SHROOM2: variants seen among roughly 807,000 people sequenced by gnomAD.
The protein encoded by SHROOM2 is protein Shroom2.
A neutral mutation model predicts 75.9 loss-of-function variants in SHROOM2; 33 were observed. That is an observed-to-expected ratio of 0.43 (90% CI 0.33 to 0.58). The LOEUF (loss-of-function observed/expected upper bound fraction) is 0.58. Among genes scored for constraint, SHROOM2 ranks in the 20% least tolerant of loss-of-function variants. SHROOM2 has a pLI of 0.04. For synonymous variants in SHROOM2, 655 were observed against 663.6 expected, an observed-to-expected ratio of 0.99 and a Z score of 0.20; for missense variants, 1,434 against 1,461.2, an observed-to-expected ratio of 0.98 and a Z score of 0.30.
intron 4 of SHROOM2, among the ~76,000 whole-genome samples, 175 bp downstream of exon 4, chrX:9,896,873 A>G (rs922823802): frequency 6.2e-5 from 7 of 112,792 alleles, no homozygotes; most frequent in African/African-American, 2.3e-4. Flanking sequence ...GACACCTTCA[A>G]GGCAATTTAA....
chrX:9,888,723 T>C, intron 2 of SHROOM2, among the ~76,000 whole-genome samples: 1 of 111,941 alleles, frequency 8.9e-6, no homozygotes, highest in Non-Finnish European at 1.9e-5. Flanking sequence ...GGATTACAGG[T>C]GTGAGCCACA....
chrX:9,829,962 A>ATT (rs1358201800), intron 1 of SHROOM2, among the ~76,000 whole-genome samples: 1 of 110,550 alleles, frequency 9.0e-6, no homozygotes, highest in Non-Finnish European at 1.9e-5. Flanking sequence ...TTTTATTTTT[A>ATT]TTTTTTAAGA....
At chrX:9,808,431 C>T (rs924298964) in intron 1 of SHROOM2, among the ~76,000 whole-genome samples, 21 of 108,947 alleles carry the variant, frequency 1.9e-4, no homozygotes, top group Admixed American at 8.0e-4. Context: ...CCTATAGTCC[C>T]ACCTACTTGG....
At chrX:9,856,627 G>A (rs1269180895) in intron 1 of SHROOM2, among the ~76,000 whole-genome samples, 2 of 111,519 alleles carry the variant, frequency 1.8e-5, no homozygotes, top group African/African-American at 6.5e-5. Flanking sequence ...CCTCACTGGG[G>A]ATCCTGGACT....
At chrX:9,847,813 T>C (rs1015159955) in intron 1 of SHROOM2, among the ~76,000 whole-genome samples, 2 of 112,338 alleles carry the variant, frequency 1.8e-5, no homozygotes, top group African/African-American at 6.5e-5. Context: ...TCTTGGACAC[T>C]TACAGTGTTG....
At chrX:9,836,825 T>A (rs758228229) in intron 1 of SHROOM2, among the ~76,000 whole-genome samples, 1 of 111,421 alleles carries the variant, frequency 9.0e-6, no homozygotes, top group Non-Finnish European at 1.9e-5. Flanking sequence ...CAATTTTAGA[T>A]CCTTTCCATC....
intron 1 of SHROOM2, among the ~76,000 whole-genome samples, chrX:9,846,382 C>T (rs2084006801): frequency 8.9e-6 from 1 of 112,027 alleles, no homozygotes; most frequent in Non-Finnish European, 1.9e-5. Context: ...GCAACCTCCG[C>T]CTCCCGGGTT....
chrX:9,810,860 C>T (rs1039023492), intron 1 of SHROOM2, among the ~76,000 whole-genome samples: 1 of 111,303 alleles, frequency 9.0e-6, no homozygotes, highest in African/African-American at 3.3e-5. Flanking sequence ...GCCATTCCAC[C>T]GTTCTATTAA....
intron 1 of SHROOM2, among the ~76,000 whole-genome samples, chrX:9,790,559 T>C (rs948389325): frequency 1.8e-4 from 20 of 111,391 alleles, no homozygotes; most frequent in African/African-American, 6.5e-4. Context: ...AACCAGTGGG[T>C]GAGGGCTTGG....
chrX:9,881,424 C>G, intron 2 of SHROOM2, among the ~76,000 whole-genome samples: 1 of 110,713 alleles, frequency 9.0e-6, no homozygotes, highest in Non-Finnish European at 1.9e-5. Context: ...GAAAAGGATG[C>G]CTGCCACCCT....
At chrX:9,884,073 C>A (rs1157391391) in intron 2 of SHROOM2, among the ~76,000 whole-genome samples, 1 of 111,876 alleles carries the variant, frequency 8.9e-6, no homozygotes, top group Non-Finnish European at 1.9e-5. Flanking sequence ...TTCCTCAGCT[C>A]CCAGTGTAGG....
chrX:9,949,433 C>T lies in SHROOM2; in HGVS notation c.*2496C>T, dbSNP rs940208677. 7 of 329,042 alleles carry T rather than the reference C, an allele frequency of 2.1e-5. No individual in the cohort carries two copies. Among genetic ancestry groups the T allele is most frequent in the African/African-American group, 5.3e-5 (2 of 37,555 alleles). 27.1% of individuals were successfully genotyped at this position (329,042 alleles called of 1,213,427 possible). ...GACTGTAACAAAATAAATAGTGTCTCTTCAAGTGAATGGAGATGTCTTTGA... is the reference window on the plus strand; with the variant it reads ...GACTGTAACAAAATAAATAGTGTCTTTTCAAGTGAATGGAGATGTCTTTGA... On this transcript the variant is annotated 3_prime_UTR_variant, in exon 10 of 10. Coordinates refer to ENST00000380913, the MANE Select transcript of SHROOM2 (RefSeq NM_001649.4).
intron 5 of SHROOM2, among the ~76,000 whole-genome samples, chrX:9,905,413 G>C (rs906986019): frequency 8.9e-6 from 1 of 112,899 alleles, no homozygotes; most frequent in African/African-American, 3.2e-5. Context: ...AGAGGAGGCC[G>C]CCAGAGCTAG....
At chrX:9,944,526 C>CAGGTCAGCTGCACCTTTCACGT in intron 8 of SHROOM2, 115 bp from the exon 9 acceptor site, 1 of 744,392 alleles carries the variant, frequency 1.3e-6, no homozygotes, top group African/African-American at 2.1e-5. Flanking sequence ...AGCTTTCACG[C>CAGGTCAGCTGCACCTTTCACGT]AGGTCAGCTG....
intron 5 of SHROOM2, among the ~76,000 whole-genome samples, chrX:9,916,088 C>G (rs1485421835): frequency 5.4e-5 from 6 of 112,102 alleles, no homozygotes; most frequent in Non-Finnish European, 1.9e-5. Flanking sequence ...TTTTTATTAA[C>G]ATTTCCTATT....
chrX:9,795,431 G>T (rs1241891702), intron 1 of SHROOM2, among the ~76,000 whole-genome samples: 2 of 112,082 alleles, frequency 1.8e-5, no homozygotes, highest in Admixed American at 1.9e-4. Flanking sequence ...TTTCTCAAAT[G>T]TTCCTTTTTC....
At chrX:9,839,952 G>T (rs1172656616) in intron 1 of SHROOM2, among the ~76,000 whole-genome samples, 3 of 111,553 alleles carry the variant, frequency 2.7e-5, no homozygotes, top group Non-Finnish European at 5.6e-5. Context: ...CCGAGTTTGG[G>T]TAAGACTTGT....
Position 9,948,068 on chromosome X carries a change from A to T in SHROOM2, c.*1131A>T, listed in dbSNP as rs953259037. The T allele has an allele frequency of 8.9e-6, 1 of 112,301 alleles. No homozygotes were observed. Among genetic ancestry groups the T allele is most frequent in the Admixed American group, 9.5e-5 (1 of 10,537 alleles). 9.3% of individuals were successfully genotyped at this position (112,301 alleles called of 1,213,427 possible). On this transcript the variant is annotated 3_prime_UTR_variant, in exon 10 of 10. Coordinates refer to ENST00000380913, the MANE Select transcript of SHROOM2 (RefSeq NM_001649.4). Reference sequence around the variant, plus strand: ...TCAGTTCCCAATTGACAAGTCACAGACTGGGAGAAAATATTTGCAAATCGT... The same window carrying T: ...TCAGTTCCCAATTGACAAGTCACAGTCTGGGAGAAAATATTTGCAAATCGT...
At chrX:9,798,086 C>G (rs1249364705) in intron 1 of SHROOM2, among the ~76,000 whole-genome samples, 1 of 111,143 alleles carries the variant, frequency 9.0e-6, no homozygotes, top group African/African-American at 3.3e-5. Context: ...CCAAGTAAAA[C>G]TGGCCTCGGG....
Sources: allele counts gnomAD v4.1 joint callset (sites outside exome capture counted in the v4.1 genomes callset), GRCh38; gene constraint gnomAD v4.1.1; transcripts MANE v1.5; gene names NCBI Gene and HGNC (gene_info 2026-07-23, HGNC 2026-07-21).